ARHGAP32: variants seen among roughly 807,000 people sequenced by gnomAD.
ARHGAP32 encodes Rho GTPase activating protein 32.
A neutral mutation model predicts 186.5 loss-of-function variants in ARHGAP32; 51 were observed. The ratio of observed to expected loss-of-function variants is 0.27; its 90% CI spans 0.22 to 0.35. The LOEUF (loss-of-function observed/expected upper bound fraction) is 0.35. Among genes scored for constraint, ARHGAP32 ranks in the 10% least tolerant of loss-of-function variants. The pLI, the probability that ARHGAP32 is intolerant of heterozygous loss-of-function variation, is 1.00. For synonymous variants in ARHGAP32, 950 were observed against 964.3 expected (o/e 0.99, Z 0.27); for missense variants, 2,186 against 2,623.5 (o/e 0.83, Z 3.64).
rs549366644 is a variant in ARHGAP32, at chr11:128,969,645, G to A, written c.5568C>T (p.His1856=). The change falls in exon 23 of 23, where the codon CAC becomes CAT. Residue 1856 remains histidine, a synonymous_variant. Coordinates refer to ENST00000682385, the MANE Select transcript of ARHGAP32 (RefSeq NM_001378024.1). This position sits in a 1 kb window ranked among gnomAD's most constrained non-coding sequence, Gnocchi z 4.8. The stretch of plus-strand genomic sequence containing the variant: ...CCGGCTGCGTGCTACCATGGCCTCC[G>A]TGATGGTGGGCTCTGTCCATCTCTG... ...PEAEMDRAHH[H]GGHGSTQPEK... The A allele has an allele frequency of 1.5e-5, 24 of 1,614,060 alleles. No homozygotes were observed. The highest frequency in any genetic ancestry group is 8.8e-5 in the South Asian group (8 of 91,086).
At chr11:129,180,421 T>C (rs978849888) in intron 1 of ARHGAP32, among the ~76,000 whole-genome samples, 2 of 152,162 alleles carry the variant, frequency 1.3e-5, no homozygotes, top group Non-Finnish European at 2.9e-5. Flanking sequence ...GTTGTGATTA[T>C]CTGGGTATAT....
intron 1 of ARHGAP32, among the ~76,000 whole-genome samples, chr11:129,180,268 A>G (rs1451997280): frequency 6.6e-6 from 1 of 152,208 alleles, no homozygotes; most frequent in East Asian, 1.9e-4. Context: ...AGTACATGCT[A>G]TATAATTCTA....
At chr11:129,255,138 C>T (rs976843591) in intron 1 of ARHGAP32, among the ~76,000 whole-genome samples, 78 of 152,138 alleles carry the variant, frequency 5.1e-4, no homozygotes, top group African/African-American at 1.8e-3. Flanking sequence ...GGTAACCAAA[C>T]GTGTCATAAA....
upstream of ARHGAP32, among the ~76,000 whole-genome samples, chr11:129,196,761 T>G (rs1401416572): frequency 6.6e-6 from 1 of 152,160 alleles, no homozygotes; most frequent in African/African-American, 2.4e-5. Context: ...AAACTTGCAT[T>G]AAAAATACTT....
At chr11:129,200,778 G>A (rs1480421553) in intron 1 of ARHGAP32, among the ~76,000 whole-genome samples, 2 of 151,912 alleles carry the variant, frequency 1.3e-5, no homozygotes, top group African/African-American at 2.4e-5. Context: ...GTAGTATACA[G>A]TACAAAGTCC....
intron 1 of ARHGAP32, among the ~76,000 whole-genome samples, chr11:129,238,533 TAA>T: frequency 6.6e-6 from 1 of 152,162 alleles, no homozygotes; most frequent in Non-Finnish European, 1.5e-5. Flanking sequence ...CTTATACACT[TAA>T]GATTATTCTT....
At chr11:129,169,073 T>C (rs556439914) in intron 1 of ARHGAP32, among the ~76,000 whole-genome samples, 408 of 152,050 alleles carry the variant, frequency 2.7e-3, no homozygotes, top group African/African-American at 9.3e-3. Flanking sequence ...AGTTGAAAAA[T>C]TACTACTTCT....
chr11:128,991,067 T>TA (rs11362997), intron 12 of ARHGAP32, among the ~76,000 whole-genome samples: 4 of 151,872 alleles, frequency 2.6e-5, no homozygotes, highest in African/African-American at 7.3e-5. Flanking sequence ...CTACCATTTA[T>TA]AAAAAAAAGT....
At chr11:128,984,509 T>C (rs1227251296) in intron 15 of ARHGAP32, among the ~76,000 whole-genome samples, 1 of 152,116 alleles carries the variant, frequency 6.6e-6, no homozygotes, top group East Asian at 1.9e-4. Flanking sequence ...CAAGAACATC[T>C]AAGGAATTCA....
intron 1 of ARHGAP32, among the ~76,000 whole-genome samples, chr11:129,246,687 G>A (rs889288229): frequency 6.6e-6 from 1 of 152,158 alleles, no homozygotes; most frequent in African/African-American, 2.4e-5. Flanking sequence ...GGTCACTAGT[G>A]GCAATTGAAT....
intron 1 of ARHGAP32, among the ~76,000 whole-genome samples, chr11:129,170,247 G>T (rs755279725): frequency 6.7e-6 from 1 of 149,210 alleles, no homozygotes. Context: ...TGCAGAATGC[G>T]CAGGTTTGTT....
intron 5 of ARHGAP32, among the ~76,000 whole-genome samples, chr11:129,116,339 G>A (rs549638608): frequency 2.6e-3 from 403 of 152,106 alleles, no homozygotes; most frequent in African/African-American, 9.2e-3. Flanking sequence ...TTCTTGGACT[G>A]AATAATCTCA....
chr11:129,094,524 G>A (rs528050158), intron 5 of ARHGAP32, among the ~76,000 whole-genome samples: 89 of 152,196 alleles, frequency 5.8e-4, no homozygotes, highest in African/African-American at 2.0e-3. Context: ...CAGAAAATTG[G>A]GAAGATTGGA....
At chr11:129,208,855 A>G (rs528553613) in intron 1 of ARHGAP32, among the ~76,000 whole-genome samples, 1 of 152,286 alleles carries the variant, frequency 6.6e-6, no homozygotes, top group African/African-American at 2.4e-5. Flanking sequence ...GAAATTTTCC[A>G]TCTAAAATAG....
chr11:129,011,692 A>C (rs1049035681), intron 11 of ARHGAP32, among the ~76,000 whole-genome samples: 34 of 152,352 alleles, frequency 2.2e-4, no homozygotes, highest in Admixed American at 2.0e-3. Context: ...TCAGAAACCC[A>C]AAAGAGCATT....
At chr11:129,093,066 A>G (rs1316855374) in intron 6 of ARHGAP32, among the ~76,000 whole-genome samples, 1 of 152,078 alleles carries the variant, frequency 6.6e-6, no homozygotes, top group Non-Finnish European at 1.5e-5. Flanking sequence ...AAGTCAAGAA[A>G]TAACAAGCTA....
intron 5 of ARHGAP32, among the ~76,000 whole-genome samples, chr11:129,104,510 A>G (rs944330358): frequency 2.0e-5 from 3 of 152,052 alleles, no homozygotes; most frequent in African/African-American, 7.2e-5. Flanking sequence ...CATATTTTCT[A>G]TTTTCTGGTT....
At chr11:129,051,006 T>C (rs1178788308) in intron 10 of ARHGAP32, among the ~76,000 whole-genome samples, 1 of 152,220 alleles carries the variant, frequency 6.6e-6, no homozygotes, top group Non-Finnish European at 1.5e-5. Flanking sequence ...TATTCCATGG[T>C]ATATATGTGC....
At chr11:128,984,616 T>C (rs1945808585) in intron 15 of ARHGAP32, among the ~76,000 whole-genome samples, 1 of 151,832 alleles carries the variant, frequency 6.6e-6, no homozygotes, top group African/African-American at 2.4e-5. Flanking sequence ...AAGAAAAGAG[T>C]TACACAAGAT....
Sources: gnomAD v4.1 joint callset for allele counts (sites outside exome capture counted in the v4.1 genomes callset) on GRCh38, gnomAD v4.1.1 for gene constraint, Gnocchi (gnomAD v3.1) non-coding constraint, MANE v1.5 for transcripts, NCBI Gene and HGNC (gene_info 2026-07-23, HGNC 2026-07-21) for gene names.